Variants in GNB1 observed in about 807,000 individuals in gnomAD.
GNB1 encodes G protein subunit beta 1.
Under a neutral mutation model 42.9 loss-of-function variants are expected in GNB1, and 2 were observed. The observed-to-expected ratio is 0.05, with a 90% CI of 0.02 to 0.15. The LOEUF is 0.15. Ranked by LOEUF, GNB1 falls within the 10% of genes least tolerant of loss-of-function variation. The pLI, the probability that GNB1 is intolerant of heterozygous loss-of-function variation, is 1.00. For missense variants in GNB1, 193 were observed against 462.2 expected (o/e 0.42, Z 5.34); for synonymous variants, 183 against 174.7 (o/e 1.05, Z -0.38).
intron 1 of GNB1, among the ~76,000 whole-genome samples, chr1:1,872,231 A>G (rs373000653): frequency 3.3e-5 from 5 of 152,098 alleles, no homozygotes; most frequent in African/African-American, 1.2e-4. Flanking sequence ...TCCTGTCTCA[A>G]CCTCCCAAAC....
chr1:1,885,429 A>G (rs545939129), intron 1 of GNB1, among the ~76,000 whole-genome samples: 1 of 142,748 alleles, frequency 7.0e-6, no homozygotes, highest in Admixed American at 6.9e-5. Context: ...AAAAAGAAAG[A>G]AAAAAGGAAT....
chr1:1,868,532 C>T (rs559984713), intron 1 of GNB1, among the ~76,000 whole-genome samples: 418 of 152,216 alleles, frequency 2.7e-3, no homozygotes, highest in Non-Finnish European at 3.5e-3. Flanking sequence ...CCTGTAATTC[C>T]AGCACTTTGG....
chr1:1,863,026 C>A (rs899558862), intron 1 of GNB1, among the ~76,000 whole-genome samples: 9 of 152,196 alleles, frequency 5.9e-5, no homozygotes, highest in African/African-American at 1.9e-4. Context: ...CAGTGCTAGA[C>A]CCAGGCTGAA....
At chr1:1,860,947 A>T (rs995965553) in intron 1 of GNB1, among the ~76,000 whole-genome samples, 1 of 151,798 alleles carries the variant, frequency 6.6e-6, no homozygotes, top group Non-Finnish European at 1.5e-5. Flanking sequence ...ATGTCTACTA[A>T]AAATACAAAA....
At chr1:1,795,229 G>A (rs910388014) in intron 7 of GNB1, among the ~76,000 whole-genome samples, 7 of 152,242 alleles carry the variant, frequency 4.6e-5, no homozygotes, top group African/African-American at 1.7e-4. Context: ...TCACTGTCAT[G>A]CTCCCGGGTC....
chr1:1,813,910 A>T (rs1357958658), intron 5 of GNB1, among the ~76,000 whole-genome samples: 2 of 152,246 alleles, frequency 1.3e-5, no homozygotes, highest in African/African-American at 4.8e-5. Flanking sequence ...CAAGCTAATC[A>T]ACATACCCAT....
At chr1:1,789,415 G>A (rs1382297263) in intron 9 of GNB1, 146 bp from the exon 10 acceptor site, 20 of 612,112 alleles carry the variant, frequency 3.3e-5, no homozygotes, top group African/African-American at 7.4e-5. Context: ...GGGCTGGGCC[G>A]GGTGCGGTGG....
intron 7 of GNB1, among the ~76,000 whole-genome samples, chr1:1,800,227 G>A (rs1369120985): frequency 6.6e-6 from 1 of 152,198 alleles, no homozygotes; most frequent in Non-Finnish European, 1.5e-5. Flanking sequence ...GAGATGCTGG[G>A]ATCAGCAGAC....
intron 2 of GNB1, among the ~76,000 whole-genome samples, chr1:1,833,332 T>C (rs1363298956): frequency 7.2e-5 from 11 of 152,160 alleles, no homozygotes; most frequent in Admixed American, 7.2e-4. Context: ...TTTTCTTTCA[T>C]TCCCAAGTCC....
At chr1:1,812,014 C>A (rs1489955044) in intron 5 of GNB1, among the ~76,000 whole-genome samples, 2 of 151,386 alleles carry the variant, frequency 1.3e-5, no homozygotes, top group Non-Finnish European at 2.9e-5. Context: ...TGCAGTGAGC[C>A]GAGATCGCAC....
chr1:1,863,699 G>A (rs912290918), intron 1 of GNB1, among the ~76,000 whole-genome samples: 1 of 152,180 alleles, frequency 6.6e-6, no homozygotes, highest in African/African-American at 2.4e-5. Context: ...TTCTTTTAGT[G>A]AGCAAACACC....
At chr1:1,866,176 G>A (rs1648928879) in intron 1 of GNB1, among the ~76,000 whole-genome samples, 1 of 152,224 alleles carries the variant, frequency 6.6e-6, no homozygotes. Context: ...CTGACCTCAG[G>A]TGATCCACCC....
chr1:1,889,635 C>G (rs1650357590), intron 1 of GNB1, among the ~76,000 whole-genome samples: 1 of 137,552 alleles, frequency 7.3e-6, no homozygotes. Flanking sequence ...AACAGGATCT[C>G]TTTTACAAAG....
chr1:1,855,985 C>A (rs1156253176), intron 1 of GNB1, among the ~76,000 whole-genome samples: 1 of 152,208 alleles, frequency 6.6e-6, no homozygotes, highest in Non-Finnish European at 1.5e-5. Context: ...GGACTCATGG[C>A]GTAAAGCAGC....
intron 1 of GNB1, among the ~76,000 whole-genome samples, chr1:1,856,847 A>C (rs1404711313): frequency 1.3e-5 from 2 of 152,246 alleles, no homozygotes; most frequent in Non-Finnish European, 2.9e-5. Flanking sequence ...TATTTCATTT[A>C]AAACAAAAAA....
At chr1:1,860,887 C>T (rs1489399990) in intron 1 of GNB1, among the ~76,000 whole-genome samples, 4 of 151,920 alleles carry the variant, frequency 2.6e-5, no homozygotes, top group African/African-American at 9.7e-5. Context: ...CCGGACAGAT[C>T]GCTTGAGGTC....
At chr1:1,868,893 A>G (rs1301141415) in intron 1 of GNB1, among the ~76,000 whole-genome samples, 1 of 151,866 alleles carries the variant, frequency 6.6e-6, no homozygotes, top group African/African-American at 2.4e-5. Context: ...ATAAAGAATA[A>G]GTTATTTACA....
rs752979894 is a variant in GNB1 at position 1,789,143 on chromosome 1, C to G, written c.826G>C (p.Val276Leu). ...AGGCGCCCGCTCTTGGAGAAGGAGA[C>G]AGAGGTGATCCCGCAGATGATGTTG... ...HDNIICGITS[V>L]SFSKSGRLLL... Residue 276 changes from valine to leucine, a missense_variant, in exon 10 of 12, where the codon GTC becomes CTC. Coordinates refer to ENST00000378609, the MANE Select transcript of GNB1 (RefSeq NM_002074.5). 6.2e-7 allele frequency: 1 copy of G among 1,614,154 alleles called. No individual in the cohort carries two copies. The highest frequency in any genetic ancestry group is 8.5e-7 in the Non-Finnish European group (1 of 1,179,984).
intron 1 of GNB1, among the ~76,000 whole-genome samples, chr1:1,849,344 T>A (rs751197277): frequency 1.4e-4 from 22 of 152,204 alleles, no homozygotes; most frequent in Non-Finnish European, 2.6e-4. Context: ...GATACACTTC[T>A]GCCTGAAGAA....
Sources: gnomAD v4.1 joint callset for allele counts (sites outside exome capture counted in the v4.1 genomes callset) on GRCh38, gnomAD v4.1.1 for gene constraint, MANE v1.5 for transcripts, NCBI Gene and HGNC (gene_info 2026-07-23, HGNC 2026-07-21) for gene names.